CENPF: variants seen among roughly 807,000 people sequenced by gnomAD.
CENPF encodes the protein centromere protein F.
CENPF carries 214 observed loss-of-function variants against 307.3 expected under a neutral mutation model. The ratio of observed to expected loss-of-function variants is 0.70; its 90% CI spans 0.62 to 0.78. The LOEUF (loss-of-function observed/expected upper bound fraction) is 0.78. CENPF is among the 30% of genes least tolerant of loss of function. CENPF has a pLI of 0.00. For missense variants in CENPF, 3,401 were observed against 3,483.9 expected, an observed-to-expected ratio of 0.98 and a Z score of 0.60; for synonymous variants, 1,259 against 1,270.6, an observed-to-expected ratio of 0.99 and a Z score of 0.19.
At chr1:214,605,450 T>C in intron 1 of CENPF, 1 of 520,076 alleles carries the variant, frequency 1.9e-6, no homozygotes, top group Admixed American at 3.4e-5. Context: ...TGTTTTTTTT[T>C]TTTTTTAAAT....
chr1:214,622,588 T>G (rs1228160032), intron 7 of CENPF, among the ~76,000 whole-genome samples: 1 of 152,202 alleles, frequency 6.6e-6, no homozygotes, highest in Non-Finnish European at 1.5e-5. Flanking sequence ...CACATTAAAA[T>G]AGGCACTTAA....
chr1:214,639,595 T>C (rs1002827452), intron 11 of CENPF, among the ~76,000 whole-genome samples: 5 of 152,220 alleles, frequency 3.3e-5, no homozygotes, highest in Admixed American at 6.5e-5. Flanking sequence ...AATATACACA[T>C]ATGTAAACAC....
Position 214,655,287 on chromosome 1 carries a change from G to C in CENPF, c.8369G>C (p.Arg2790Pro), listed in dbSNP as rs369765741. 1.2e-6 allele frequency: 2 copies of C among 1,606,368 alleles called. No individual in the cohort carries two copies. Among genetic ancestry groups the C allele is most frequent in the Non-Finnish European group, 1.7e-6 (2 of 1,176,136 alleles). The stretch of plus-strand genomic sequence containing the variant: ...AATCAGTTGAAGAAGGAAAATGAAC[G>C]TGCCCAGGGGAAAATGAAGTTGTTG... ...YVNQLKKENE[R>P]AQGKMKLLIK... Residue 2790 changes from arginine to proline, a missense_variant, in exon 17 of 20, where the codon CGT (arginine) becomes CCT (proline). Physicochemically the swap from Arg to Pro is moderately radical, Grantham distance 103. Coordinates refer to ENST00000366955, the MANE Select transcript of CENPF (RefSeq NM_016343.4).
At position 214,645,265 on chromosome 1, in the gene CENPF, G is replaced by T. The variant is rs772910004; in HGVS notation, c.5695G>T (p.Asp1899Tyr). 8.7e-6 allele frequency: 14 copies of T among 1,614,116 alleles called. No individual in the cohort carries two copies. In the South Asian group the frequency reaches 1.3e-4, roughly 15 times the overall value. ...VNDSWKERFL[D>Y]VENELSRIRS... The stretch of plus-strand genomic sequence containing the variant: ...TGACAGCTGGAAGGAGAGATTTCTT[G>T]ATGTGGAAAATGAGCTGAGTAGGAT... Residue 1899 changes from aspartate (D) to tyrosine (Y), a missense_variant, in exon 13 of 20, where the codon GAT becomes TAT. Coordinates refer to ENST00000366955, the MANE Select transcript of CENPF (RefSeq NM_016343.4).
chr1:214,611,272 G>A (rs1358467011), intron 1 of CENPF, among the ~76,000 whole-genome samples: 1 of 152,206 alleles, frequency 6.6e-6, no homozygotes, highest in Non-Finnish European at 1.5e-5. Flanking sequence ...GCTTTGGGCA[G>A]TATGGCCATT....
At chr1:214,608,654 G>T in intron 1 of CENPF, 1 of 1,602,138 alleles carries the variant, frequency 6.2e-7, no homozygotes, top group Non-Finnish European at 8.5e-7. Context: ...CAGCGCCCGG[G>T]TGCGCCCGAG....
chr1:214,609,018 T>G (rs1446156042), intron 1 of CENPF, among the ~76,000 whole-genome samples: 2 of 151,338 alleles, frequency 1.3e-5, no homozygotes, highest in Non-Finnish European at 3.0e-5. Flanking sequence ...CCCATCGCGG[T>G]CCAAGCCGAG....
In CENPF at chr1:214,641,987, C is replaced by G. The variant is rs935071234; in HGVS notation, c.3649C>G (p.Leu1217Val). 1.9e-6 allele frequency: 3 copies of G among 1,607,828 alleles called. No individual in the cohort carries two copies. Among genetic ancestry groups the G allele is most frequent in the Non-Finnish European group, 1.7e-6 (2 of 1,178,526 alleles). ...NAQLVQLEAM[L>V]RNKELKLQES... ...GCAGTTGGTGCAATTAGAAGCTATG[C>G]TAAGAAATAAGGAATTAAAACTTCA... Residue 1217 changes from leucine to valine, a missense_variant, in exon 12 of 20, where the codon CTA becomes GTA. Leu to Val is a conservative substitution (Grantham distance 32, BLOSUM62 1). Transcript: ENST00000366955.
chr1:214,621,953 T>C, intron 6 of CENPF, 126 bp from the exon 7 acceptor site: 1 of 712,486 alleles, frequency 1.4e-6, no homozygotes, highest in Non-Finnish European at 2.3e-6. Context: ...TTAAAGTAGC[T>C]TCTGTATTTA....
intron 1 of CENPF, among the ~76,000 whole-genome samples, chr1:214,607,615 C>A (rs1657071669): frequency 1.3e-5 from 2 of 152,194 alleles, no homozygotes; most frequent in Admixed American, 1.3e-4. Context: ...GACCAGTGGG[C>A]TGGGCAGGGC....
chr1:214,635,247 G>A (rs1291466457), intron 10 of CENPF, among the ~76,000 whole-genome samples: 2 of 152,194 alleles, frequency 1.3e-5, no homozygotes, highest in African/African-American at 4.8e-5. Flanking sequence ...TATAGGCTTC[G>A]CCCAGCAGGG....
chr1:214,652,645 A>G (rs1449639020), intron 15 of CENPF, among the ~76,000 whole-genome samples, 183 bp from the exon 16 acceptor site: 1 of 146,078 alleles, frequency 6.8e-6, no homozygotes, highest in South Asian at 2.2e-4. Context: ...GGGTTTCACC[A>G]TGTTGGCCAG....
chr1:214,624,631 A>G (rs545957999), intron 7 of CENPF, among the ~76,000 whole-genome samples: 2 of 151,510 alleles, frequency 1.3e-5, no homozygotes, highest in South Asian at 4.2e-4. Context: ...TCTTCTCTCT[A>G]TCTCTGTGTC....
chr1:214,645,840 C>T lies in CENPF; in HGVS notation c.6270C>T (p.Ser2090=), dbSNP rs764825105. The change falls in exon 13 of 20, where the codon TCC becomes TCT. Residue 2090 remains serine, a synonymous_variant. Coordinates refer to ENST00000366955, the MANE Select transcript of CENPF (RefSeq NM_016343.4). ...SESDYEKLNV[S]KALEAALVEK... The stretch of plus-strand genomic sequence containing the variant: ...CAGATTATGAAAAGCTGAATGTCTC[C>T]AAGGCCTTGGAGGCCGCACTGGTGG... 6.2e-7 allele frequency: 1 copy of T among 1,614,112 alleles called. No individual in the cohort carries two copies. The highest frequency in any genetic ancestry group is 1.1e-5 in the South Asian group (1 of 91,078).
chr1:214,617,245 G>A (rs1280466980), intron 3 of CENPF, among the ~76,000 whole-genome samples: 1 of 151,546 alleles, frequency 6.6e-6, no homozygotes, highest in Non-Finnish European at 1.5e-5. Flanking sequence ...AGAGGTTTTC[G>A]CCAAGTTGGC....
In CENPF at chr1:214,618,833, C is replaced by T; in HGVS notation, c.481+139C>T. 3.7e-6 allele frequency: 3 copies of T among 817,244 alleles called. No homozygotes were observed. The East Asian group carries it at 8.3e-5, about 23-fold the overall frequency. 50.6% of individuals were successfully genotyped at this position (817,244 alleles called of 1,614,324 possible). A position where few individuals can be genotyped will look rare whatever the true frequency, so the allele number is the denominator to read the frequency against. ...AAAACTGCAGCCACTTGTTACATATCCATTTGCATATCTGTTGAATTATGT... is the reference window on the plus strand; with the variant it reads ...AAAACTGCAGCCACTTGTTACATATTCATTTGCATATCTGTTGAATTATGT... On this transcript the variant is annotated intron_variant, in intron 4 of 19. Transcript: ENST00000366955.
At chr1:214,661,939 G>T in intron 19 of CENPF, among the ~76,000 whole-genome samples, 1 of 151,142 alleles carries the variant, frequency 6.6e-6, no homozygotes, top group African/African-American at 2.4e-5. Context: ...TTAAATACTT[G>T]GTGAATTTGA....
Position 214,646,559 on chromosome 1 carries a change from A to G in CENPF, c.6989A>G (p.His2330Arg). ...VLQQLKESEH[H>R]ADLLKGRVEN... is the part of the protein sequence containing the mutation. The stretch of plus-strand genomic sequence containing the variant: ...CAACAACTGAAGGAAAGTGAGCATC[A>G]TGCAGATTTACTTAAGGGTAGAGTG... Residue 2330 changes from histidine (H) to arginine (R), a missense_variant, in exon 13 of 20, where the codon CAT becomes CGT. His to Arg is a conservative substitution (Grantham distance 29, BLOSUM62 0). Coordinates refer to ENST00000366955, the MANE Select transcript of CENPF (RefSeq NM_016343.4). The G allele has an allele frequency of 6.2e-7, 1 of 1,614,156 alleles. No homozygotes were observed. The highest frequency in any genetic ancestry group is 1.1e-5 in the South Asian group (1 of 91,090).
chr1:214,620,795 G>A lies in CENPF; in HGVS notation c.714G>A (p.Arg238=). Residue 238 remains arginine, a synonymous_variant, in exon 6 of 20, where the codon AGG becomes AGA. Transcript: ENST00000366955. ...LSSNSQRTPI[R]RDFSASYFSG... ...CTAATTCTCAAAGAACTCCAATTAG[G>A]AGAGATTTCTCTGCATCTTACTTTT... is the stretch of plus-strand genomic sequence containing the variant. The A allele has an allele frequency of 6.2e-7, 1 of 1,614,152 alleles. No homozygotes were observed. The highest frequency in any genetic ancestry group is 1.1e-5 in the South Asian group (1 of 91,084).
Sources: gnomAD v4.1 joint callset for allele counts (sites outside exome capture counted in the v4.1 genomes callset) on GRCh38, gnomAD v4.1.1 for gene constraint, MANE v1.5 for transcripts, NCBI Gene and HGNC (gene_info 2026-07-23, HGNC 2026-07-21) for gene names.